The following LIPI variants were observed in gnomAD, a reference collection of about 807,000 sequenced individuals.
The protein encoded by LIPI is lipase I.
In LIPI, 59 loss-of-function variants were observed where a neutral mutation model predicts 50.6. The ratio of observed to expected loss-of-function variants is 1.16; its 90% CI spans 0.94 to 1.45. LIPI has a LOEUF of 1.45. LIPI is among the 40% of genes most tolerant of loss of function. The pLI is 0.00. For missense variants in LIPI, 586 were observed against 536.3 expected (o/e 1.09, Z -0.92); for synonymous variants, 203 against 178.2 (o/e 1.14, Z -1.11).
chr21:14,167,805 T>C (rs1267800324), intron 4 of LIPI, among the ~76,000 whole-genome samples: 5 of 151,714 alleles, frequency 3.3e-5, no homozygotes, highest in African/African-American at 9.7e-5. Flanking sequence ...AAAAGCAGAG[T>C]GCCTCTCCTC....
At chr21:14,121,137 G>T (rs1396251642) in intron 9 of LIPI, among the ~76,000 whole-genome samples, 2 of 152,144 alleles carry the variant, frequency 1.3e-5, no homozygotes, top group Non-Finnish European at 2.9e-5. Context: ...ATTATTAAAA[G>T]ATATTATTCT....
chr21:14,171,118 G>A (rs546839515), intron 4 of LIPI, among the ~76,000 whole-genome samples: 1 of 149,438 alleles, frequency 6.7e-6, no homozygotes, highest in Non-Finnish European at 1.5e-5. Flanking sequence ...ATTCACAATT[G>A]CTTCAAAGAG....
intron 7 of LIPI, among the ~76,000 whole-genome samples, chr21:14,153,782 A>G (rs2018182804): frequency 6.6e-6 from 1 of 152,310 alleles, no homozygotes; most frequent in South Asian, 2.1e-4. Context: ...CATAAACCTC[A>G]TAATTGAAAT....
chr21:14,196,168 CA>C (rs796185648), intron 1 of LIPI, among the ~76,000 whole-genome samples: 2 of 121,712 alleles, frequency 1.6e-5, no homozygotes, highest in South Asian at 2.6e-4. Flanking sequence ...AAAAAAAAAA[CA>C]AAACAAGAAG....
rs998719962 is a variant in LIPI at position 14,165,372 on chromosome 21, C to T, written c.752G>A (p.Cys251Tyr). Residue 251 changes from cysteine to tyrosine, a missense_variant, in exon 6 of 10, where the codon TGC becomes TAC. Transcript: ENST00000681601. ...SIFSGIQFIK[C>Y]NHQRAVHLFM... ...CAAGTGAACTGCTCTCTGGTGGTTG[C>T]ATTTAATGAATTGAATTCCTTAAGG... 6.8e-6 allele frequency: 11 copies of T among 1,609,268 alleles called. No individual in the cohort carries two copies. Among genetic ancestry groups the T allele is most frequent in the Non-Finnish European group, 7.6e-6 (9 of 1,176,852 alleles).
Position 14,161,733 on chromosome 21 carries a change from A to T in LIPI, c.1006+1686T>A, listed in dbSNP as rs1342223450. Among the ~76,000 whole-genome samples the T allele has an allele frequency of 1.2e-3, 89 of 74,826 alleles. 4 individuals carry two copies. The highest frequency in any genetic ancestry group is 5.3e-3 in the African/African-American group (80 of 14,978). 49.1% of individuals were successfully genotyped at this position (74,826 alleles called of 152,430 possible). A position where few individuals can be genotyped will look rare whatever the true frequency, so the allele number is the denominator to read the frequency against. On this transcript the variant is annotated intron_variant, in intron 7 of 9. Transcript: ENST00000681601. ...TTATATATTAATATATAATATATAC[A>T]TTATTATATATTAATATATAATATA...
intron 7 of LIPI, among the ~76,000 whole-genome samples, chr21:14,162,508 A>AAT (rs1753129622): frequency 6.6e-6 from 1 of 151,848 alleles, no homozygotes; most frequent in South Asian, 2.1e-4. Context: ...TATCAATGTC[A>AAT]ATATCCTGCT....
At chr21:14,202,072 C>T (rs746665834) in intron 1 of LIPI, among the ~76,000 whole-genome samples, 1 of 151,876 alleles carries the variant, frequency 6.6e-6, no homozygotes, top group Non-Finnish European at 1.5e-5. Context: ...ATCATGAACT[C>T]CCATTCACAA....
At chr21:14,203,631 C>G (rs892796328) in intron 1 of LIPI, among the ~76,000 whole-genome samples, 2 of 151,994 alleles carry the variant, frequency 1.3e-5, no homozygotes, top group Admixed American at 6.6e-5. Flanking sequence ...GGGAATTGAA[C>G]AATGAGAACA....
chr21:14,170,559 T>C (rs555521111), intron 4 of LIPI, among the ~76,000 whole-genome samples: 94 of 152,296 alleles, frequency 6.2e-4, no homozygotes, highest in African/African-American at 2.0e-3. Context: ...GCTGGTTCAA[T>C]ATACGCAAAT....
chr21:14,110,070 T>A (rs1283498548), intron 9 of LIPI, among the ~76,000 whole-genome samples: 1 of 150,864 alleles, frequency 6.6e-6, no homozygotes, highest in Non-Finnish European at 1.5e-5. Flanking sequence ...TTACCACACA[T>A]TACCAAAAAT....
chr21:14,182,396 G>C (rs2019304648), intron 3 of LIPI, among the ~76,000 whole-genome samples: 1 of 152,080 alleles, frequency 6.6e-6, no homozygotes, highest in Non-Finnish European at 1.5e-5. Context: ...CATGGAGTGT[G>C]AATATTATTT....
chr21:14,167,948 A>G (rs1260471137), intron 4 of LIPI, among the ~76,000 whole-genome samples: 1 of 152,230 alleles, frequency 6.6e-6, no homozygotes, highest in Non-Finnish European at 1.5e-5. Flanking sequence ...ACCAAACGCA[A>G]AGAAGTTGAA....
At chr21:14,171,561 G>A (rs1339702148) in intron 4 of LIPI, among the ~76,000 whole-genome samples, 7,790 of 148,700 alleles carry the variant, frequency 0.052, 284 homozygotes, top group East Asian at 0.19. Context: ...AAACAATGCC[G>A]CATATCTACA....
chr21:14,186,867 G>T (rs1293052008), intron 2 of LIPI, among the ~76,000 whole-genome samples: 3 of 152,174 alleles, frequency 2.0e-5, no homozygotes, highest in Non-Finnish European at 4.4e-5. Context: ...TGAATCTGCT[G>T]ATGCCTTCTC....
chr21:14,152,586 G>A lies in LIPI; in HGVS notation c.1105C>T (p.Pro369Ser). 6.4e-7 allele frequency: 1 copy of A among 1,553,694 alleles called. No homozygotes were observed. The highest frequency in any genetic ancestry group is 8.9e-7 in the Non-Finnish European group (1 of 1,127,608). ...AATTTTACTTACTCATAAAGCCTTG[G>A]CTCTTCAATCATTCCAAGCTGATTT... ...LLNQLGMIEEPRLYEKNKPFY... is the reference protein window; with the variant it reads ...LLNQLGMIEESRLYEKNKPFY... Residue 369 changes from proline to serine, a missense_variant, in exon 8 of 10, where the codon CCA becomes TCA. Physicochemically the swap from Pro to Ser is moderately conservative, Grantham distance 74. Coordinates refer to ENST00000681601, the MANE Select transcript of LIPI (RefSeq NM_001302998.2).
intron 7 of LIPI, 45 bp downstream of exon 7, chr21:14,163,374 A>G (rs1446673893): frequency 2.1e-6 from 2 of 971,856 alleles, no homozygotes; most frequent in Admixed American, 3.4e-5. Flanking sequence ...TTAGTGCAAA[A>G]AAAACTAAAA....
intron 1 of LIPI, among the ~76,000 whole-genome samples, chr21:14,204,931 T>C (rs1027932840): frequency 2.6e-5 from 4 of 151,320 alleles, no homozygotes; most frequent in Non-Finnish European, 4.4e-5. Flanking sequence ...CATCTGTACA[T>C]AAAGAAACAC....
Position 14,193,114 on chromosome 21 carries a change from A to C in LIPI, c.47-3695T>G, listed in dbSNP as rs549844177. On this transcript the variant is annotated intron_variant, in intron 1 of 9. Coordinates refer to ENST00000681601, the MANE Select transcript of LIPI (RefSeq NM_001302998.2). ...GGTAAAATTAAGTAGGGGAGAGTGG[A>C]ACTGTAAAGAAGTAGAGAATTTTGT... Among the ~76,000 whole-genome samples the C allele has an allele frequency of 2.0e-5, 3 of 152,274 alleles. No individual in the cohort carries two copies. The East Asian group carries it at 5.8e-4, about 29-fold the overall frequency.
Sources: gnomAD v4.1 joint callset for allele counts (sites outside exome capture counted in the v4.1 genomes callset) on GRCh38, gnomAD v4.1.1 for gene constraint, MANE v1.5 for transcripts, NCBI Gene and HGNC (gene_info 2026-07-23, HGNC 2026-07-21) for gene names.